Variants in SBF2 observed in about 807,000 individuals in gnomAD.
The protein encoded by SBF2 is SET binding factor 2, also known as myotubularin-related protein 13.
A neutral mutation model predicts 225.2 loss-of-function variants in SBF2; 112 were observed. The ratio of observed to expected loss-of-function variants is 0.50; its 90% CI spans 0.43 to 0.58. The LOEUF (loss-of-function observed/expected upper bound fraction) is 0.58, where lower values mean the gene tolerates loss of function less well. Among genes scored for constraint, SBF2 ranks in the 20% least tolerant of loss-of-function variants. The probability of loss-of-function intolerance (pLI) is 0.00; values close to 1 mark genes in which losing one functional copy is unlikely to be tolerated. For missense variants in SBF2, 1,996 were observed against 2,206.2 expected, an observed-to-expected ratio of 0.90 and a Z score of 1.91; for synonymous variants, 763 against 773.3, an observed-to-expected ratio of 0.99 and a Z score of 0.22.
At chr11:10,251,950 TA>T (rs1407048339) in intron 1 of SBF2, among the ~76,000 whole-genome samples, 1 of 152,116 alleles carries the variant, frequency 6.6e-6, no homozygotes, top group Non-Finnish European at 1.5e-5. Flanking sequence ...TAAACAAAAT[TA>T]TGGGAGGCTA....
intron 2 of SBF2, among the ~76,000 whole-genome samples, chr11:10,184,160 C>T (rs1485862965): frequency 6.6e-6 from 1 of 152,096 alleles, no homozygotes; most frequent in Non-Finnish European, 1.5e-5. Flanking sequence ...AAAGATAACA[C>T]ATGCTTTTCT....
At chr11:10,030,923 G>T (rs771578394) in intron 4 of SBF2, 125 bp downstream of exon 4, 36 of 819,780 alleles carry the variant, frequency 4.4e-5, no homozygotes, top group Non-Finnish European at 6.8e-5. Context: ...CATGCTAACT[G>T]TATTTCATAG....
chr11:9,997,766 A>T (rs1480726303), intron 9 of SBF2, among the ~76,000 whole-genome samples: 1 of 152,252 alleles, frequency 6.6e-6, no homozygotes, highest in Non-Finnish European at 1.5e-5. Context: ...CGACAGAGCA[A>T]GACTCCGTCT....
intron 1 of SBF2, among the ~76,000 whole-genome samples, chr11:10,287,434 A>G (rs1256269843): frequency 6.7e-6 from 1 of 150,178 alleles, no homozygotes; most frequent in African/African-American, 2.4e-5. Context: ...GACATGTGTC[A>G]CCACGCCAGG....
At chr11:9,990,456 G>C (rs950576316) in intron 12 of SBF2, among the ~76,000 whole-genome samples, 3 of 152,154 alleles carry the variant, frequency 2.0e-5, no homozygotes, top group African/African-American at 7.2e-5. Flanking sequence ...GTGAAAACAA[G>C]GATCACTTTC....
intron 32 of SBF2, among the ~76,000 whole-genome samples, chr11:9,803,318 C>G (rs438151): frequency 0.86 from 130,971 of 152,122 alleles, 56,620 homozygotes; most frequent in Non-Finnish European, 0.89. Flanking sequence ...ATTAACTTAG[C>G]CTTTTGTAGT....
intron 17 of SBF2, among the ~76,000 whole-genome samples, chr11:9,881,450 C>G (rs1000485261): frequency 1.3e-5 from 2 of 152,032 alleles, no homozygotes; most frequent in Non-Finnish European, 2.9e-5. Flanking sequence ...TTACACGCAT[C>G]TCATCTCTCA....
chr11:9,940,173 G>A (rs753948543), intron 16 of SBF2, among the ~76,000 whole-genome samples: 25 of 152,294 alleles, frequency 1.6e-4, no homozygotes, highest in Non-Finnish European at 3.2e-4. Context: ...GAAGGCTGAG[G>A]CAGGCGGATC....
In SBF2 at chr11:10,247,165, C is replaced by A. The variant is rs950000633; in HGVS notation, c.55+46850G>T. On this transcript the variant is annotated intron_variant, in intron 1 of 39. Coordinates refer to ENST00000256190, the MANE Select transcript of SBF2 (RefSeq NM_030962.4). ...TGGGTGGAATGTAACACTTTCCCAG[C>A]CAGCACATTATTACCAAAAAATGAC... 3.9e-5 allele frequency among the ~76,000 whole-genome samples: 6 copies of A among 152,078 alleles called. 1 individual carries two copies. The South Asian group carries it at 1.2e-3, about 31-fold the overall frequency.
chr11:10,137,837 T>C (rs1283435127), intron 2 of SBF2, among the ~76,000 whole-genome samples: 1 of 152,062 alleles, frequency 6.6e-6, no homozygotes, highest in South Asian at 2.1e-4. Flanking sequence ...TGAAACCCCG[T>C]CTCTACTAAA....
chr11:10,030,713 T>C (rs1282931090), intron 4 of SBF2, among the ~76,000 whole-genome samples: 1 of 152,174 alleles, frequency 6.6e-6, no homozygotes, highest in Non-Finnish European at 1.5e-5. Context: ...AAGGTGAATA[T>C]ACATACACGA....
chr11:9,920,826 G>T (rs566627494), intron 16 of SBF2, among the ~76,000 whole-genome samples: 10 of 152,216 alleles, frequency 6.6e-5, no homozygotes, highest in Admixed American at 6.5e-4. Flanking sequence ...CCTAGTCAGG[G>T]AAGCATGACA....
At chr11:10,122,773 G>A (rs942766923) in intron 2 of SBF2, among the ~76,000 whole-genome samples, 5 of 152,158 alleles carry the variant, frequency 3.3e-5, no homozygotes, top group African/African-American at 1.2e-4. Flanking sequence ...GTCTCAGCAC[G>A]CACAGTAGGC....
Position 10,144,107 on chromosome 11 carries a change from A to G in SBF2, c.141+49795T>C, listed in dbSNP as rs763007653. Among the ~76,000 whole-genome samples, 55 of 152,158 alleles carry G rather than the reference A, an allele frequency of 3.6e-4. 1 individual carries two copies. The highest frequency in any genetic ancestry group is 1.3e-3 in the African/African-American group (53 of 41,428). ...TTGATTTAACCTTCAAGCCTTTTCT[A>G]TTGCATTTACGCTTTGCATATTCAA... On this transcript the variant is annotated intron_variant, in intron 2 of 39. Transcript: ENST00000256190.
chr11:9,825,383 C>G (rs767126679), intron 28 of SBF2, among the ~76,000 whole-genome samples: 3 of 152,176 alleles, frequency 2.0e-5, no homozygotes, highest in Non-Finnish European at 2.9e-5. Context: ...CCCTGACACC[C>G]TGATCTTGGA....
At chr11:10,162,256 T>A (rs1306834878) in intron 2 of SBF2, among the ~76,000 whole-genome samples, 6 of 152,064 alleles carry the variant, frequency 3.9e-5, no homozygotes, top group African/African-American at 1.4e-4. Flanking sequence ...GTTTGAGCAT[T>A]CTGTTACAGG....
intron 1 of SBF2, among the ~76,000 whole-genome samples, chr11:10,235,457 G>A (rs544363751): frequency 3.3e-5 from 5 of 151,914 alleles, no homozygotes; most frequent in African/African-American, 9.7e-5. Context: ...AACCCGGGAG[G>A]GAGAGGTTGC....
chr11:10,041,084 T>A (rs1285439662), intron 3 of SBF2, among the ~76,000 whole-genome samples: 1 of 152,050 alleles, frequency 6.6e-6, no homozygotes, highest in Admixed American at 6.6e-5. Flanking sequence ...GTTAGTTTCA[T>A]TAGATAATTC....
At chr11:10,109,267 A>C (rs1354012357) in intron 2 of SBF2, among the ~76,000 whole-genome samples, 1 of 152,170 alleles carries the variant, frequency 6.6e-6, no homozygotes, top group African/African-American at 2.4e-5. Flanking sequence ...AATATATTAC[A>C]TGTTAAAGGA....
Sources: allele counts gnomAD v4.1 joint callset (sites outside exome capture counted in the v4.1 genomes callset), GRCh38; gene constraint gnomAD v4.1.1; transcripts MANE v1.5; gene names NCBI Gene and HGNC (gene_info 2026-07-23, HGNC 2026-07-21).